The following PIP5K1B variants were observed in gnomAD, a reference collection of about 807,000 sequenced individuals.
PIP5K1B encodes phosphatidylinositol-4-phosphate 5-kinase type 1 beta, also known as phosphatidylinositol 4-phosphate 5-kinase type-1 beta.
PIP5K1B carries 42 observed loss-of-function variants against 67.0 expected under a neutral mutation model. The observed-to-expected ratio is 0.63, with a 90% CI of 0.49 to 0.81. The LOEUF (loss-of-function observed/expected upper bound fraction) is 0.81. Ranked by LOEUF, PIP5K1B falls within the 30% of genes least tolerant of loss-of-function variation. The pLI, the probability that PIP5K1B is intolerant of heterozygous loss-of-function variation, is 0.00. For synonymous variants in PIP5K1B, 214 were observed against 231.4 expected, an observed-to-expected ratio of 0.92 and a Z score of 0.68; for missense variants, 459 against 646.3, an observed-to-expected ratio of 0.71 and a Z score of 3.14.
intron 1 of PIP5K1B, among the ~76,000 whole-genome samples, chr9:68,709,242 AC>A (rs943479463): frequency 2.0e-5 from 3 of 151,812 alleles, no homozygotes; most frequent in Non-Finnish European, 2.9e-5. Flanking sequence ...TTTTCTCTTT[AC>A]TTTTTTTTTG....
At chr9:68,839,598 A>G (rs1454595533) in intron 4 of PIP5K1B, among the ~76,000 whole-genome samples, 3 of 152,122 alleles carry the variant, frequency 2.0e-5, no homozygotes, top group South Asian at 4.2e-4. Context: ...CCCCTTTTCT[A>G]TGTTCTTGGC....
chr9:68,865,164 A>C lies in PIP5K1B; in HGVS notation c.200+1197A>C, dbSNP rs978863589. Among the ~76,000 whole-genome samples, 17 of 152,276 alleles carry C rather than the reference A, an allele frequency of 1.1e-4. No homozygotes were observed. In the South Asian group the frequency reaches 3.5e-3, roughly 32 times the overall value. On this transcript the variant is annotated intron_variant, in intron 5 of 15. Transcript: ENST00000265382. ...GAAGTCTGCTTGTCTAGGGTCCTCTAGCAGCCATGAGAACCAGATTCCAGG... is the reference window on the plus strand; with the variant it reads ...GAAGTCTGCTTGTCTAGGGTCCTCTCGCAGCCATGAGAACCAGATTCCAGG...
At chr9:68,780,083 GC>G in intron 2 of PIP5K1B, 1 of 1,424,128 alleles carries the variant, frequency 7.0e-7, no homozygotes, top group Non-Finnish European at 9.2e-7. Flanking sequence ...GGTGGCGGCG[GC>G]AGCGGCGGCG....
intron 12 of PIP5K1B, among the ~76,000 whole-genome samples, chr9:68,928,940 G>A (rs1335702015): frequency 2.6e-5 from 4 of 152,220 alleles, no homozygotes; most frequent in Non-Finnish European, 4.4e-5. Context: ...CGGGGTGGGC[G>A]GATCACGAGG....
intron 4 of PIP5K1B, among the ~76,000 whole-genome samples, chr9:68,849,689 A>G (rs2132195747): frequency 6.6e-6 from 1 of 152,364 alleles, no homozygotes; most frequent in South Asian, 2.1e-4. Context: ...TAATGCGTGT[A>G]TACAGACATG....
chr9:68,837,625 T>TTC (rs1821691433), intron 4 of PIP5K1B, among the ~76,000 whole-genome samples: 1 of 149,926 alleles, frequency 6.7e-6, no homozygotes, highest in Non-Finnish European at 1.5e-5. Flanking sequence ...TTTTTTTTTT[T>TTC]GACCCAAGCT....
intron 1 of PIP5K1B, among the ~76,000 whole-genome samples, chr9:68,721,628 G>A (rs941658080): frequency 2.0e-5 from 3 of 152,160 alleles, no homozygotes; most frequent in Non-Finnish European, 4.4e-5. Flanking sequence ...ATCCATGATG[G>A]AGACACTGGC....
At chr9:69,003,308 G>A (rs1830908105) in intron 15 of PIP5K1B, among the ~76,000 whole-genome samples, 1 of 152,078 alleles carries the variant, frequency 6.6e-6, no homozygotes, top group Admixed American at 6.5e-5. Context: ...TGAAACACGG[G>A]ACTAAGCCTA....
At chr9:68,911,733 A>C (rs955367619) in intron 8 of PIP5K1B, among the ~76,000 whole-genome samples, 1 of 152,098 alleles carries the variant, frequency 6.6e-6, no homozygotes, top group Non-Finnish European at 1.5e-5. Flanking sequence ...TCCACAAAAA[A>C]TTAGTCAGGT....
At chr9:68,887,894 G>A (rs1794075817) in intron 6 of PIP5K1B, among the ~76,000 whole-genome samples, 2 of 152,146 alleles carry the variant, frequency 1.3e-5, no homozygotes, top group South Asian at 4.2e-4. Context: ...GATGATCTAG[G>A]GTCACCATAT....
chr9:68,725,878 G>C (rs1828123808), intron 1 of PIP5K1B, among the ~76,000 whole-genome samples: 1 of 152,202 alleles, frequency 6.6e-6, no homozygotes, highest in South Asian at 2.1e-4. Flanking sequence ...CGTTTAGTTT[G>C]TATGGTATGT....
chr9:68,725,910 T>C (rs1005457566), intron 1 of PIP5K1B, among the ~76,000 whole-genome samples: 2 of 152,214 alleles, frequency 1.3e-5, no homozygotes, highest in African/African-American at 4.8e-5. Context: ...TATCGTATCT[T>C]CTGAGTGCCT....
intron 2 of PIP5K1B, among the ~76,000 whole-genome samples, chr9:68,793,715 G>A (rs1042457669): frequency 1.8e-4 from 27 of 152,108 alleles, no homozygotes; most frequent in Admixed American, 7.2e-4. Flanking sequence ...CATACGTTAA[G>A]CAATCTTTAT....
intron 4 of PIP5K1B, among the ~76,000 whole-genome samples, chr9:68,847,813 T>C (rs1045115015): frequency 2.0e-4 from 31 of 152,098 alleles, no homozygotes; most frequent in African/African-American, 7.2e-4. Context: ...CAAAGGAGAA[T>C]GCAAATTAAA....
intron 14 of PIP5K1B, among the ~76,000 whole-genome samples, chr9:68,975,231 G>C (rs1381688135): frequency 2.0e-5 from 3 of 152,056 alleles, no homozygotes; most frequent in Non-Finnish European, 4.4e-5. Flanking sequence ...AGCATGCCCA[G>C]CTAATGTTTA....
intron 14 of PIP5K1B, among the ~76,000 whole-genome samples, chr9:68,988,124 C>T (rs1455210955): frequency 6.6e-6 from 1 of 152,008 alleles, no homozygotes; most frequent in Non-Finnish European, 1.5e-5. Flanking sequence ...TCTTCCCAAA[C>T]AGTTCAGGGA....
intron 2 of PIP5K1B, among the ~76,000 whole-genome samples, chr9:68,759,600 G>A (rs890056365): frequency 2.0e-5 from 3 of 151,972 alleles, no homozygotes; most frequent in African/African-American, 7.2e-5. Flanking sequence ...ATATCAAAAA[G>A]TACATTAGAT....
At chr9:68,891,229 G>A (rs988708437) in intron 7 of PIP5K1B, among the ~76,000 whole-genome samples, 11 of 152,162 alleles carry the variant, frequency 7.2e-5, no homozygotes, top group African/African-American at 2.7e-4. Flanking sequence ...CAGCCTGGGA[G>A]ACAGAGCAAA....
At chr9:68,890,767 C>G (rs1752441965) in intron 7 of PIP5K1B, among the ~76,000 whole-genome samples, 1 of 150,678 alleles carries the variant, frequency 6.6e-6, no homozygotes, top group South Asian at 2.1e-4. Flanking sequence ...TATATGCTTT[C>G]AGTTATTCTT....
Sources: gnomAD v4.1 joint callset for allele counts (sites outside exome capture counted in the v4.1 genomes callset) on GRCh38, gnomAD v4.1.1 for gene constraint, MANE v1.5 for transcripts, NCBI Gene and HGNC (gene_info 2026-07-23, HGNC 2026-07-21) for gene names.